The following ERGIC3 variants were observed in gnomAD, a reference collection of about 807,000 sequenced individuals.
The protein encoded by ERGIC3 is endoplasmic reticulum-Golgi intermediate compartment protein 3.
Under a neutral mutation model 54.7 loss-of-function variants are expected in ERGIC3, and 33 were observed. The observed-to-expected ratio is 0.60, with a 90% CI of 0.46 to 0.81. The LOEUF (loss-of-function observed/expected upper bound fraction) is 0.81. ERGIC3 is among the 30% of genes least tolerant of loss of function. ERGIC3 has a pLI of 0.00. For missense variants in ERGIC3, 399 were observed against 488.4 expected, an observed-to-expected ratio of 0.82 and a Z score of 1.73; for synonymous variants, 186 against 189.8, an observed-to-expected ratio of 0.98 and a Z score of 0.16.
At chr20:35,543,782 GA>G (rs1303261853) in intron 4 of ERGIC3, 1 of 457,998 alleles carries the variant, frequency 2.2e-6, no homozygotes, top group Non-Finnish European at 4.6e-6. Context: ...AATGACTTGA[GA>G]TGGAGATGAC....
At chr20:35,542,466 G>A in intron 2 of ERGIC3, 47 bp from the exon 3 acceptor site, 1 of 1,613,830 alleles carries the variant, frequency 6.2e-7, no homozygotes, top group Middle Eastern at 1.7e-4. Flanking sequence ...TGGGAGTGGG[G>A]AAGGAGAGGT....
intron 7 of ERGIC3, among the ~76,000 whole-genome samples, chr20:35,551,562 C>G (rs1395263719): frequency 6.6e-6 from 1 of 152,128 alleles, no homozygotes; most frequent in Admixed American, 6.6e-5. Flanking sequence ...TGAAATCACC[C>G]TGGAGGTGAG....
Position 35,542,312 on chromosome 20 carries a change from T to A in ERGIC3, c.89-11T>A, listed in dbSNP as rs564051475. 2 of 1,613,970 alleles carry A rather than the reference T, an allele frequency of 1.2e-6. No homozygotes were observed. Among genetic ancestry groups the A allele is most frequent in the East Asian group, 4.5e-5 (2 of 44,872 alleles). On this transcript the variant is annotated splice_polypyrimidine_tract_variant and intron_variant, in intron 1 of 12. Coordinates refer to ENST00000348547, the MANE Select transcript of ERGIC3 (RefSeq NM_015966.3). The stretch of plus-strand genomic sequence containing the variant: ...TCGAGGCCATTCTGACCCTCGCCCC[T>A]TGTCCTGCAGTGACCATTGTCAGTG...
At chr20:35,543,409 C>T (rs1182967517) in intron 4 of ERGIC3, 2 of 341,042 alleles carry the variant, frequency 5.9e-6, no homozygotes, top group Non-Finnish European at 1.2e-5. Context: ...AGTCTGTGAG[C>T]TTCAGCTAGA....
chr20:35,557,370 G>T (rs2064720384), intron 12 of ERGIC3, 55 bp from the exon 13 acceptor site: 1 of 1,609,218 alleles, frequency 6.2e-7, no homozygotes, highest in African/African-American at 1.3e-5. Context: ...AAGGCTCTCA[G>T]CGTCAAAAGC....
intron 4 of ERGIC3, chr20:35,543,434 C>A: frequency 2.8e-6 from 1 of 354,508 alleles, no homozygotes; most frequent in South Asian, 2.2e-5. Flanking sequence ...GGTAATAAAA[C>A]AGTAGTACCA....
At chr20:35,548,154 G>A (rs1379673947) in intron 5 of ERGIC3, among the ~76,000 whole-genome samples, 2 of 151,974 alleles carry the variant, frequency 1.3e-5, no homozygotes, top group Admixed American at 6.6e-5. Flanking sequence ...ACTTGTCATC[G>A]CCTCAAACAG....
rs11468676 is a variant in ERGIC3, at chr20:35,544,013, A to ACTATCTAT, written c.367+1115_367+1122dup. 284 of 187,874 alleles carry ACTATCTAT rather than the reference A, an allele frequency of 1.5e-3. 3 individuals carry two copies. The highest frequency in any genetic ancestry group is 3.3e-3 in the East Asian group (24 of 7,366). The allele number at this position is 187,874 out of a possible 1,614,324, so 11.6% of individuals were successfully genotyped here. ...GGATTGATGGGGCACTGAAGAATCTACTATCTATCTATCTATCTATCTATC... is the reference window on the plus strand; with the variant it reads ...GGATTGATGGGGCACTGAAGAATCTACTATCTATCTATCTATCTATCTATCTATCTATC... On this transcript the variant is annotated intron_variant, in intron 4 of 12. Coordinates refer to ENST00000348547, the MANE Select transcript of ERGIC3 (RefSeq NM_015966.3).
intron 4 of ERGIC3, among the ~76,000 whole-genome samples, chr20:35,546,024 G>T (rs2064646938): frequency 1.3e-5 from 2 of 152,204 alleles, no homozygotes; most frequent in African/African-American, 4.8e-5. Flanking sequence ...GGACGGATTA[G>T]CCATTGACGT....
At chr20:35,550,160 A>T (rs1293036178) in intron 7 of ERGIC3, among the ~76,000 whole-genome samples, 1 of 151,968 alleles carries the variant, frequency 6.6e-6, no homozygotes, top group Admixed American at 6.6e-5. Flanking sequence ...TTTAGCAAAG[A>T]CCTGAAGACA....
At chr20:35,554,685 C>T (rs2064701652) in intron 7 of ERGIC3, among the ~76,000 whole-genome samples, 1 of 152,156 alleles carries the variant, frequency 6.6e-6, no homozygotes, top group Admixed American at 6.5e-5. Context: ...CAGATCCCAC[C>T]TCACTTTGAG....
intron 4 of ERGIC3, chr20:35,547,169 G>A: frequency 2.6e-6 from 1 of 391,292 alleles, no homozygotes; most frequent in Middle Eastern, 7.4e-4. Context: ...TGGTTGTGAA[G>A]TACAGTGATC....
intron 4 of ERGIC3, chr20:35,544,430 T>A (rs1411714685): frequency 9.8e-6 from 3 of 306,404 alleles, no homozygotes; most frequent in African/African-American, 2.3e-5. Context: ...GACAGGGGGC[T>A]CAGTCTTTCT....
chr20:35,549,335 T>C (rs2064669482), intron 7 of ERGIC3: 2 of 415,308 alleles, frequency 4.8e-6, no homozygotes, highest in Non-Finnish European at 9.9e-6. Context: ...TTGGGCCCTA[T>C]TTAGTTGCTT....
chr20:35,549,305 A>G lies in ERGIC3; in HGVS notation c.685+440A>G, dbSNP rs2064669387. 6.6e-6 allele frequency: 3 copies of G among 456,954 alleles called. No individual in the cohort carries two copies. In the Admixed American group the frequency reaches 7.6e-5, roughly 12 times the overall value. The allele number at this position is 456,954 out of a possible 1,614,324, so 28.3% of individuals were successfully genotyped here. Reference sequence around the variant, plus strand: ...GCTAGGTTGGAGCACAGGTTCTGCCACACCTGGGCTATGTCATATTTGGGC... The same window carrying G: ...GCTAGGTTGGAGCACAGGTTCTGCCGCACCTGGGCTATGTCATATTTGGGC... On this transcript the variant is annotated intron_variant, in intron 7 of 12. Transcript: ENST00000348547.
intron 10 of ERGIC3, chr20:35,556,540 G>C (rs11906494): frequency 0.11 from 56,710 of 533,556 alleles, 3,648 homozygotes; most frequent in South Asian, 0.2. Flanking sequence ...ACTGTTCTCT[G>C]TGGTCTGCCT....
chr20:35,557,154 G>A, intron 11 of ERGIC3, 40 bp from the exon 12 acceptor site: 1 of 1,614,222 alleles, frequency 6.2e-7, no homozygotes, highest in Non-Finnish European at 8.5e-7. Context: ...GGGCCTGAGG[G>A]AGGAGGATGC....
chr20:35,545,684 AG>A (rs1490099341), intron 4 of ERGIC3, among the ~76,000 whole-genome samples: 1 of 152,166 alleles, frequency 6.6e-6, no homozygotes, highest in African/African-American at 2.4e-5. Context: ...ATTGTGGGAG[AG>A]GACTACATAA....
chr20:35,556,942 A>C, intron 10 of ERGIC3, 31 bp from the exon 11 acceptor site: 1 of 1,613,484 alleles, frequency 6.2e-7, no homozygotes, highest in South Asian at 1.1e-5. Context: ...TCCTAGCCCT[A>C]GCCCTGGCCC....
Sources: gnomAD v4.1 joint callset for allele counts (sites outside exome capture counted in the v4.1 genomes callset) on GRCh38, gnomAD v4.1.1 for gene constraint, MANE v1.5 for transcripts, NCBI Gene and HGNC (gene_info 2026-07-23, HGNC 2026-07-21) for gene names.